Variants in HCN1 observed in about 807,000 individuals in gnomAD.
HCN1 encodes the protein potassium/sodium hyperpolarization-activated cyclic nucleotide-gated channel 1.
HCN1 carries 13 observed loss-of-function variants against 78.9 expected under a neutral mutation model. That is an observed-to-expected ratio of 0.16 (90% CI 0.11 to 0.26). HCN1 has a LOEUF of 0.26. Among genes scored for constraint, HCN1 ranks in the 10% least tolerant of loss-of-function variants. HCN1 has a pLI of 1.00. For synonymous variants in HCN1, 552 were observed against 455.5 expected (o/e 1.21, Z -2.70); for missense variants, 810 against 1,154.3 (o/e 0.70, Z 4.32).
intron 5 of HCN1, among the ~76,000 whole-genome samples, chr5:45,333,538 T>G (rs1008049176): frequency 6.6e-6 from 1 of 151,784 alleles, no homozygotes; most frequent in Non-Finnish European, 1.5e-5. Flanking sequence ...GCTTGTAGGG[T>G]ATTGCTCAAG....
At chr5:45,687,578 T>C (rs10462092) in intron 1 of HCN1, among the ~76,000 whole-genome samples, 9,873 of 152,212 alleles carry the variant, frequency 0.065, 395 homozygotes, top group East Asian at 0.15. Context: ...AGATAAAATA[T>C]TTATGAAGAT....
chr5:45,650,116 G>T (rs1451314237), intron 1 of HCN1, among the ~76,000 whole-genome samples: 1 of 152,072 alleles, frequency 6.6e-6, no homozygotes, highest in Non-Finnish European at 1.5e-5. Context: ...CTTGGACTTT[G>T]AAGGCAGACC....
chr5:45,286,646 C>T (rs956684456), intron 6 of HCN1, among the ~76,000 whole-genome samples: 1 of 151,964 alleles, frequency 6.6e-6, no homozygotes, highest in Non-Finnish European at 1.5e-5. Flanking sequence ...ATATTAGACA[C>T]ATCTTTTGAG....
chr5:45,695,850 C>G lies in HCN1; in HGVS notation c.244G>C (p.Glu82Gln). 1 of 1,594,308 alleles carries G rather than the reference C, an allele frequency of 6.3e-7. No individual in the cohort carries two copies. The highest frequency in any genetic ancestry group is 8.5e-7 in the Non-Finnish European group (1 of 1,175,176). ...TGCCGCCGGGGCCCCTCGGCGTCTT[C>G]GAAGCCCCCCGCCGGCTCCTCGCCG... ...GGGEEPAGGF[E>Q]DAEGPRRQYG... The change falls in exon 1 of 8, where the codon GAA (glutamate) becomes CAA (glutamine). Residue 82 changes from glutamate to glutamine, a missense_variant. Physicochemically the swap from Glu to Gln is conservative, Grantham distance 29. Around this residue, in one of 6 missense-constraint regions of HCN1, gnomAD observed 170 missense variants for 166.8 expected, o/e 1.02. Transcript: ENST00000303230.
At chr5:45,576,762 C>T (rs765350442) in intron 2 of HCN1, 4 of 152,078 alleles carry the variant, frequency 2.6e-5, no homozygotes, top group Non-Finnish European at 5.9e-5. Flanking sequence ...ATTTGCGTGA[C>T]TCTCTTTATG....
rs925479682 is a variant in HCN1 at position 45,276,230 on chromosome 5, C to G, written c.1619-8977G>C. 3.3e-5 allele frequency among the ~76,000 whole-genome samples: 5 copies of G among 152,166 alleles called. No individual in the cohort carries two copies. The East Asian group carries it at 9.6e-4, about 29-fold the overall frequency. On this transcript the variant is annotated intron_variant, in intron 6 of 7. Coordinates refer to ENST00000303230, the MANE Select transcript of HCN1 (RefSeq NM_021072.4). The stretch of plus-strand genomic sequence containing the variant: ...CTCTTTCTCACACACACACACACCA[C>G]ATGCACACATGATAAAATCAACATT...
intron 4 of HCN1, among the ~76,000 whole-genome samples, chr5:45,387,439 T>C (rs1357828959): frequency 6.6e-6 from 1 of 152,128 alleles, no homozygotes; most frequent in Admixed American, 6.6e-5. Context: ...GGAAAACTAT[T>C]GGTAAATAAA....
chr5:45,317,186 C>A (rs1746012546), intron 5 of HCN1, among the ~76,000 whole-genome samples: 1 of 152,118 alleles, frequency 6.6e-6, no homozygotes, highest in South Asian at 2.1e-4. Context: ...GCTACAGTAA[C>A]CAAAACAGCA....
intron 2 of HCN1, among the ~76,000 whole-genome samples, chr5:45,564,544 G>A (rs996554892): frequency 9.2e-5 from 14 of 152,244 alleles, no homozygotes; most frequent in African/African-American, 3.1e-4. Flanking sequence ...AAAGTGTCAT[G>A]CCCACACAGA....
At chr5:45,388,734 AC>A (rs770663196) in intron 4 of HCN1, among the ~76,000 whole-genome samples, 2 of 151,930 alleles carry the variant, frequency 1.3e-5, no homozygotes, top group African/African-American at 2.4e-5. Context: ...CATCCCACTT[AC>A]CCCTCTCATT....
intron 4 of HCN1, among the ~76,000 whole-genome samples, chr5:45,380,872 C>T (rs1420933584): frequency 6.6e-6 from 1 of 152,102 alleles, no homozygotes; most frequent in Non-Finnish European, 1.5e-5. Flanking sequence ...GATTAATTAC[C>T]TTCCTTCATG....
intron 6 of HCN1, among the ~76,000 whole-genome samples, chr5:45,300,471 TATG>T (rs1369370126): frequency 6.6e-6 from 1 of 152,106 alleles, no homozygotes; most frequent in Non-Finnish European, 1.5e-5. Flanking sequence ...ATCTATTTAT[TATG>T]ATGAATAGTA....
At chr5:45,350,382 A>G (rs1746865596) in intron 5 of HCN1, among the ~76,000 whole-genome samples, 1 of 152,192 alleles carries the variant, frequency 6.6e-6, no homozygotes, top group African/African-American at 2.4e-5. Context: ...TCTCAAAATA[A>G]TAAGAGCTAT....
At chr5:45,572,454 T>C (rs1267399772) in intron 2 of HCN1, among the ~76,000 whole-genome samples, 1 of 152,136 alleles carries the variant, frequency 6.6e-6, no homozygotes, top group African/African-American at 2.4e-5. Context: ...TCAGGGCTAA[T>C]AATATTAAGG....
chr5:45,390,163 T>C (rs761098630), intron 4 of HCN1, among the ~76,000 whole-genome samples: 2 of 152,172 alleles, frequency 1.3e-5, no homozygotes, highest in African/African-American at 4.8e-5. Context: ...GCCTGCTGAT[T>C]ACCTCTTCAT....
intron 5 of HCN1, among the ~76,000 whole-genome samples, chr5:45,325,472 A>C (rs1173728411): frequency 6.6e-6 from 1 of 151,778 alleles, no homozygotes; most frequent in Non-Finnish European, 1.5e-5. Context: ...TCAACAAATA[A>C]AACATATAAC....
intron 6 of HCN1, among the ~76,000 whole-genome samples, chr5:45,282,447 G>A (rs1180441507): frequency 6.6e-6 from 1 of 152,166 alleles, no homozygotes; most frequent in African/African-American, 2.4e-5. Context: ...CAATCATTCT[G>A]TAATTTGCTG....
At chr5:45,626,564 T>A (rs981976657) in intron 2 of HCN1, among the ~76,000 whole-genome samples, 6 of 152,174 alleles carry the variant, frequency 3.9e-5, no homozygotes, top group African/African-American at 1.4e-4. Flanking sequence ...GTAGCAACTT[T>A]AGCTAAAGGT....
intron 2 of HCN1, among the ~76,000 whole-genome samples, chr5:45,567,024 C>T (rs1743721606): frequency 6.6e-6 from 1 of 152,136 alleles, no homozygotes; most frequent in South Asian, 2.1e-4. Context: ...AGTTTGTCCA[C>T]TTCAAGTTCA....
Sources: allele counts gnomAD v4.1 joint callset (sites outside exome capture counted in the v4.1 genomes callset), GRCh38; gene constraint gnomAD v4.1.1; regional missense constraint gnomAD v4.1.1; transcripts MANE v1.5; gene names NCBI Gene and HGNC (gene_info 2026-07-23, HGNC 2026-07-21).